Variants in CD300LB observed in about 807,000 individuals in gnomAD.
CD300LB encodes the protein CD300 molecule like family member b, also known as CMRF35-like molecule 7.
In CD300LB, 18 loss-of-function variants were observed where a neutral mutation model predicts 20.8. The observed-to-expected ratio is 0.87, with a 90% CI of 0.60 to 1.28. The LOEUF (loss-of-function observed/expected upper bound fraction) is 1.28, where lower values mean the gene tolerates loss of function less well. Ranked by LOEUF, CD300LB falls within the 50% of genes most tolerant of loss-of-function variation. CD300LB has a pLI of 0.00. For missense variants in CD300LB, 222 were observed against 251.8 expected, an observed-to-expected ratio of 0.88 and a Z score of 0.80; for synonymous variants, 91 against 91.3, an observed-to-expected ratio of 1.00 and a Z score of 0.02.
chr17:74,522,029 C>A lies in CD300LB; in HGVS notation c.*709G>T. On this transcript the variant is annotated 3_prime_UTR_variant, in exon 4 of 4. Transcript: ENST00000392621. The stretch of plus-strand genomic sequence containing the variant: ...CTGTCATGCTGAGGAGGCTCCCAAG[C>A]TGCAGCCCCTCGGAGGTGGGGGAAT... 1.0e-6 allele frequency: 1 copy of A among 985,414 alleles called. No individual in the cohort carries two copies. The allele number at this position is 985,414 out of a possible 1,614,324, so 61.0% of individuals were successfully genotyped here.
Position 74,531,405 on chromosome 17 carries a change from G to T in CD300LB, c.-55C>A. 6.2e-7 allele frequency: 1 copy of T among 1,612,456 alleles called. No individual in the cohort carries two copies. Among genetic ancestry groups the T allele is most frequent in the Non-Finnish European group, 8.5e-7 (1 of 1,179,262 alleles). ...TGATCTGCAACCAGTGGCAAATGCA[G>T]ATCCCAGATGCACTCTGGAAGTTCT... On this transcript the variant is annotated 5_prime_UTR_variant, in exon 1 of 4. In the 5' UTR this introduces an upstream ATG that the reference lacks. Transcript: ENST00000392621.
In CD300LB at chr17:74,521,862, T is replaced by C; in HGVS notation, c.*876A>G. The C allele has an allele frequency of 5.1e-6, 5 of 985,450 alleles. No individual in the cohort carries two copies. Among genetic ancestry groups the C allele is most frequent in the Non-Finnish European group, 6.0e-6 (5 of 829,938 alleles). 61.0% of individuals were successfully genotyped at this position (985,450 alleles called of 1,614,324 possible). Reference sequence around the variant, plus strand: ...CTGTGAGGAGACAGAACCACTTCCCTAGGACAGTTTTCATTAGTAACATGA... The same window carrying C: ...CTGTGAGGAGACAGAACCACTTCCCCAGGACAGTTTTCATTAGTAACATGA... On this transcript the variant is annotated 3_prime_UTR_variant, in exon 4 of 4. Transcript: ENST00000392621.
chr17:74,523,043 T>C (rs368163114), intron 3 of CD300LB, 143 bp from the exon 4 acceptor site: 2 of 756,032 alleles, frequency 2.6e-6, no homozygotes, highest in African/African-American at 3.5e-5. Context: ...AACCTCCTCC[T>C]TGGTTCAACC....
intron 1 of CD300LB, among the ~76,000 whole-genome samples, chr17:74,531,051 C>T (rs964898147): frequency 2.0e-5 from 3 of 152,196 alleles, no homozygotes; most frequent in Admixed American, 2.0e-4. Context: ...GCAATCCTCC[C>T]ACCTTGGCCT....
chr17:74,522,709 G>C lies in CD300LB; in HGVS notation c.*29C>G. 3 of 1,613,060 alleles carry C rather than the reference G, an allele frequency of 1.9e-6. No homozygotes were observed. Among genetic ancestry groups the C allele is most frequent in the Non-Finnish European group, 2.5e-6 (3 of 1,179,272 alleles). On this transcript the variant is annotated 3_prime_UTR_variant, in exon 4 of 4. Coordinates refer to ENST00000392621, the MANE Select transcript of CD300LB (RefSeq NM_174892.4). ...CGAGTCTCTTCTGGAAACGTGGCCA[G>C]GGCAGGAAGGCTCTGCAGATCCATC...
At chr17:74,528,983 AG>A (rs1908116086) in intron 1 of CD300LB, among the ~76,000 whole-genome samples, 1 of 152,080 alleles carries the variant, frequency 6.6e-6, no homozygotes, top group Non-Finnish European at 1.5e-5. Flanking sequence ...GCAAAAGATT[AG>A]CCAGGAGTGG....
intron 1 of CD300LB, 33 bp from the exon 2 acceptor site, chr17:74,526,110 G>A (rs746452697): frequency 6.3e-7 from 1 of 1,596,952 alleles, no homozygotes; most frequent in Non-Finnish European, 8.6e-7. Flanking sequence ...ACAGCTCATT[G>A]CACCGGCACG....
chr17:74,521,469 T>C lies in CD300LB; in HGVS notation c.*1269A>G. ...TTAGCCGGGCTCGAACTCTCCTCTC[T>C]GGCCATTATGGAATTTTCAGGCCCA... On this transcript the variant is annotated 3_prime_UTR_variant, in exon 4 of 4. Transcript: ENST00000392621. The C allele has an allele frequency of 1.0e-6, 1 of 985,492 alleles. No individual in the cohort carries two copies. Among genetic ancestry groups the C allele is most frequent in the Non-Finnish European group, 1.2e-6 (1 of 829,954 alleles). 61.0% of individuals were successfully genotyped at this position (985,492 alleles called of 1,614,324 possible).
At position 74,522,323 on chromosome 17, in the gene CD300LB, C is replaced by T. The variant is rs1424728142; in HGVS notation, c.*415G>A. The T allele has an allele frequency of 8.1e-6, 8 of 989,986 alleles. No homozygotes were observed. Among genetic ancestry groups the T allele is most frequent in the South Asian group, 4.6e-5 (1 of 21,778 alleles). The allele number at this position is 989,986 out of a possible 1,614,324, so 61.3% of individuals were successfully genotyped here. A position where few individuals can be genotyped will look rare whatever the true frequency, so the allele number is the denominator to read the frequency against. On this transcript the variant is annotated 3_prime_UTR_variant, in exon 4 of 4. Transcript: ENST00000392621. ...CTAGAAAAAAAAAAATTTAAAAACA[C>T]GGATATATCAGGTTCTCAGGCAAAG...
Position 74,531,357 on chromosome 17 carries a change from G to A in CD300LB, c.-7C>T, listed in dbSNP as rs1294293465. ...GAGCAGGGGGCAGCCACATGGCTCT[G>A]CCTTCCCGGCTCCTCGTCCGCCTGA... is the stretch of plus-strand genomic sequence containing the variant. On this transcript the variant is annotated 5_prime_UTR_variant, in exon 1 of 4. Transcript: ENST00000392621. 3 of 1,611,972 alleles carry A rather than the reference G, an allele frequency of 1.9e-6. No homozygotes were observed. Among genetic ancestry groups the A allele is most frequent in the Non-Finnish European group, 2.5e-6 (3 of 1,178,988 alleles).
intron 1 of CD300LB, among the ~76,000 whole-genome samples, chr17:74,526,439 A>G (rs1908039462): frequency 6.6e-6 from 1 of 152,228 alleles, no homozygotes; most frequent in Non-Finnish European, 1.5e-5. Flanking sequence ...GGAGCTGGGC[A>G]CGGTGGCTCA....
Position 74,521,351 on chromosome 17 carries a change from G to A in CD300LB, c.*1387C>T, listed in dbSNP as rs975077526. Reference sequence around the variant, plus strand: ...CCTCCCTGGGTCTGGTCGGATCTTCGGGAAGCTGGATCCAGGAAAGCATTC... The same window carrying A: ...CCTCCCTGGGTCTGGTCGGATCTTCAGGAAGCTGGATCCAGGAAAGCATTC... On this transcript the variant is annotated 3_prime_UTR_variant, in exon 4 of 4. Transcript: ENST00000392621. 14 of 985,398 alleles carry A rather than the reference G, an allele frequency of 1.4e-5. No individual in the cohort carries two copies. Among genetic ancestry groups the A allele is most frequent in the South Asian group, 4.7e-5 (1 of 21,300 alleles). 61.0% of individuals were successfully genotyped at this position (985,398 alleles called of 1,614,324 possible).
chr17:74,530,683 T>C (rs1167217836), intron 1 of CD300LB, among the ~76,000 whole-genome samples: 2 of 152,148 alleles, frequency 1.3e-5, no homozygotes, highest in African/African-American at 4.8e-5. Flanking sequence ...TCGTGAGTCT[T>C]TCTCTAGTCA....
intron 1 of CD300LB, among the ~76,000 whole-genome samples, chr17:74,527,436 G>A (rs145459459): frequency 1.3e-5 from 2 of 152,344 alleles, no homozygotes; most frequent in Non-Finnish European, 2.9e-5. Context: ...GGCAGATGCC[G>A]CCTCCTCACA....
chr17:74,525,832 G>T lies in CD300LB; in HGVS notation c.286C>A (p.Arg96=). ...CACCAGTAAACATCTGCGTCATCTC[G>T]CCTGAGCCCCTCCATGGTCACAGTG... The part of the protein sequence containing the change: ...TFTVTMEGLR[R]DDADVYWCGI... Residue 96 remains arginine (R), a synonymous_variant, in exon 2 of 4, where the codon CGA becomes AGA. Coordinates refer to ENST00000392621, the MANE Select transcript of CD300LB (RefSeq NM_174892.4). 1.2e-6 allele frequency: 2 copies of T among 1,614,016 alleles called. No homozygotes were observed. Among genetic ancestry groups the T allele is most frequent in the Non-Finnish European group, 1.7e-6 (2 of 1,180,016 alleles).
intron 1 of CD300LB, 42 bp from the exon 2 acceptor site, chr17:74,526,119 C>G (rs747790120): frequency 6.3e-7 from 1 of 1,586,768 alleles, no homozygotes; most frequent in Non-Finnish European, 8.6e-7. Flanking sequence ...TGCACCGGCA[C>G]GAACCCCTGC....
chr17:74,521,732 G>C lies in CD300LB; in HGVS notation c.*1006C>G, dbSNP rs1251640833. The C allele has an allele frequency of 3.0e-6, 3 of 985,624 alleles. No homozygotes were observed. Among genetic ancestry groups the C allele is most frequent in the East Asian group, 2.3e-4 (2 of 8,830 alleles). 61.1% of individuals were successfully genotyped at this position (985,624 alleles called of 1,614,324 possible). On this transcript the variant is annotated 3_prime_UTR_variant, in exon 4 of 4. Coordinates refer to ENST00000392621, the MANE Select transcript of CD300LB (RefSeq NM_174892.4). ...GGTGTGTTTGCTTGTGGGCAGGTGGGGGCGGGAGCACATCTCACATGGGAA... is the reference window on the plus strand; with the variant it reads ...GGTGTGTTTGCTTGTGGGCAGGTGGCGGCGGGAGCACATCTCACATGGGAA...
chr17:74,525,818 A>G lies in CD300LB; in HGVS notation c.300T>C (p.Asp100=), dbSNP rs1468801141. The G allele has an allele frequency of 6.2e-7, 1 of 1,614,082 alleles. No individual in the cohort carries two copies. The highest frequency in any genetic ancestry group is 8.5e-7 in the Non-Finnish European group (1 of 1,180,024). ...TMEGLRRDDA[D]VYWCGIERRG... Reference sequence around the variant, plus strand: ...TTCTTTCAATCCCACACCAGTAAACATCTGCGTCATCTCGCCTGAGCCCCT... The same window carrying G: ...TTCTTTCAATCCCACACCAGTAAACGTCTGCGTCATCTCGCCTGAGCCCCT... Residue 100 remains aspartate (D), a synonymous_variant, in exon 2 of 4, where the codon GAT becomes GAC. Coordinates refer to ENST00000392621, the MANE Select transcript of CD300LB (RefSeq NM_174892.4).
intron 2 of CD300LB, 34 bp from the exon 3 acceptor site, chr17:74,523,685 G>A: frequency 6.8e-7 from 1 of 1,479,226 alleles, no homozygotes; most frequent in Non-Finnish European, 9.5e-7. Flanking sequence ...TGGGTTATTA[G>A]CACAGTTGGG....
Sources: gnomAD v4.1 joint callset for allele counts (sites outside exome capture counted in the v4.1 genomes callset) on GRCh38, gnomAD v4.1.1 for gene constraint, MANE v1.5 for transcripts, NCBI Gene and HGNC (gene_info 2026-07-23, HGNC 2026-07-21) for gene names.